The following FHOD3 variants were observed in gnomAD, a reference collection of about 807,000 sequenced individuals.
The protein encoded by FHOD3 is formin homology 2 domain containing 3, also known as FH1/FH2 domain-containing protein 3.
A neutral mutation model predicts 173.0 loss-of-function variants in FHOD3; 90 were observed. The ratio of observed to expected loss-of-function variants is 0.52; its 90% CI spans 0.44 to 0.62. The LOEUF (loss-of-function observed/expected upper bound fraction) is 0.62, where lower values mean the gene tolerates loss of function less well. Among genes scored for constraint, FHOD3 ranks in the 20% least tolerant of loss-of-function variants. The pLI, the probability that FHOD3 is intolerant of heterozygous loss-of-function variation, is 0.00. For synonymous variants in FHOD3, 828 were observed against 823.0 expected, an observed-to-expected ratio of 1.01 and a Z score of -0.10; for missense variants, 1,945 against 2,034.7, an observed-to-expected ratio of 0.96 and a Z score of 0.85.
chr18:36,689,308 C>G (rs940270656), intron 16 of FHOD3, among the ~76,000 whole-genome samples: 4 of 152,138 alleles, frequency 2.6e-5, no homozygotes, highest in Non-Finnish European at 2.9e-5. Context: ...CCAGATAGAG[C>G]AATGTGTGTT....
intron 5 of FHOD3, among the ~76,000 whole-genome samples, chr18:36,557,687 A>AT (rs1472183371): frequency 6.6e-6 from 1 of 152,040 alleles, no homozygotes; most frequent in African/African-American, 2.4e-5. Flanking sequence ...ACTTGTACTT[A>AT]TTGCATGCTG....
intron 26 of FHOD3, among the ~76,000 whole-genome samples, chr18:36,759,688 G>A (rs1032346105): frequency 1.3e-5 from 2 of 152,210 alleles, no homozygotes; most frequent in African/African-American, 4.8e-5. Context: ...ATGCAGGTGC[G>A]AGAACCAGAG....
intron 3 of FHOD3, among the ~76,000 whole-genome samples, chr18:36,409,945 C>T (rs1425181671): frequency 1.3e-5 from 2 of 152,210 alleles, no homozygotes; most frequent in East Asian, 1.9e-4. Flanking sequence ...GAAGACAGGG[C>T]GTTGCCCGGG....
At chr18:36,353,084 C>G (rs2046207561) in intron 1 of FHOD3, among the ~76,000 whole-genome samples, 1 of 152,206 alleles carries the variant, frequency 6.6e-6, no homozygotes, top group African/African-American at 2.4e-5. Flanking sequence ...CCCCAAAACC[C>G]TGGGCACACC....
intron 10 of FHOD3, among the ~76,000 whole-genome samples, chr18:36,633,231 A>G (rs770393931): frequency 2.1e-4 from 32 of 152,228 alleles, no homozygotes; most frequent in East Asian, 3.8e-4. Flanking sequence ...CTTGAGCCCA[A>G]TCACCCAACT....
chr18:36,393,894 T>C (rs897262061), intron 3 of FHOD3, among the ~76,000 whole-genome samples: 1 of 152,096 alleles, frequency 6.6e-6, no homozygotes, highest in Non-Finnish European at 1.5e-5. Context: ...TCCACTTGGA[T>C]CCACAAGCCC....
Position 36,417,097 on chromosome 18 carries a change from C to T in FHOD3, c.337+44353C>T, listed in dbSNP as rs549995005. Among the ~76,000 whole-genome samples, 7 of 152,138 alleles carry T rather than the reference C, an allele frequency of 4.6e-5. No homozygotes were observed. The South Asian group carries it at 8.3e-4, about 18-fold the overall frequency. On this transcript the variant is annotated intron_variant, in intron 3 of 28. Transcript: ENST00000590592. ...ATTTAACTTTTAAGTTCAGGGAGTA[C>T]GTGTGCAGGTTTGTTATATAGGTAA...
intron 13 of FHOD3, among the ~76,000 whole-genome samples, 174 bp from the exon 14 acceptor site, chr18:36,657,901 T>C (rs1048877907): frequency 6.6e-6 from 1 of 152,206 alleles, no homozygotes; most frequent in East Asian, 1.9e-4. Context: ...TTATGAGAAA[T>C]TATCAGAAAA....
At chr18:36,334,607 G>A (rs183569441) in intron 1 of FHOD3, among the ~76,000 whole-genome samples, 1 of 152,294 alleles carries the variant, frequency 6.6e-6, no homozygotes, top group Admixed American at 6.5e-5. Context: ...GGTGTTTTGG[G>A]CTGAGCTCAA....
intron 3 of FHOD3, among the ~76,000 whole-genome samples, chr18:36,472,540 T>C (rs948304383): frequency 3.3e-5 from 5 of 152,182 alleles, no homozygotes; most frequent in Non-Finnish European, 5.9e-5. Flanking sequence ...ATAAAAACCT[T>C]ATACCCACTA....
At chr18:36,522,320 G>A (rs576856637) in intron 5 of FHOD3, among the ~76,000 whole-genome samples, 16 of 152,326 alleles carry the variant, frequency 1.1e-4, no homozygotes, top group African/African-American at 3.8e-4. Context: ...TGGAGAGCCG[G>A]AATTTGCTTA....
At chr18:36,652,472 A>G in intron 11 of FHOD3, 98 bp from the exon 12 acceptor site, 1 of 1,364,866 alleles carries the variant, frequency 7.3e-7, no homozygotes, top group Non-Finnish European at 9.7e-7. Flanking sequence ...ATAATAGTAC[A>G]GAAGTGGCTT....
intron 24 of FHOD3, among the ~76,000 whole-genome samples, chr18:36,752,187 C>T (rs1376735896): frequency 1.3e-5 from 2 of 152,164 alleles, no homozygotes; most frequent in Admixed American, 1.3e-4. Context: ...TTGTTTCCAC[C>T]TGGTCCCTAA....
At chr18:36,732,364 C>G (rs917222819) in intron 20 of FHOD3, among the ~76,000 whole-genome samples, 1 of 152,118 alleles carries the variant, frequency 6.6e-6, no homozygotes, top group Non-Finnish European at 1.5e-5. Context: ...CTATATAAGG[C>G]TCAAGTAGCT....
chr18:36,593,793 G>A (rs1293723933), intron 6 of FHOD3, among the ~76,000 whole-genome samples: 1 of 152,202 alleles, frequency 6.6e-6, no homozygotes, highest in Non-Finnish European at 1.5e-5. Flanking sequence ...AGGCCCTGCA[G>A]CCACAGTGCA....
chr18:36,521,230 T>C (rs1322333790), intron 5 of FHOD3, among the ~76,000 whole-genome samples: 2 of 152,102 alleles, frequency 1.3e-5, no homozygotes, highest in African/African-American at 4.8e-5. Flanking sequence ...GTACCACGCC[T>C]TTTCTAACCC....
At chr18:36,443,305 G>A (rs1294047369) in intron 3 of FHOD3, among the ~76,000 whole-genome samples, 2 of 152,130 alleles carry the variant, frequency 1.3e-5, no homozygotes, top group Non-Finnish European at 2.9e-5. Flanking sequence ...GATTCCATCT[G>A]TACTTATTAA....
intron 1 of FHOD3, among the ~76,000 whole-genome samples, chr18:36,345,987 C>T (rs1039914859): frequency 6.6e-6 from 1 of 152,168 alleles, no homozygotes; most frequent in Non-Finnish European, 1.5e-5. Flanking sequence ...TGTGGGATTT[C>T]AACCATCATA....
rs1482069795 is a variant in FHOD3, at chr18:36,693,192, T to C, written c.2022-17T>C. The C allele has an allele frequency of 1.2e-6, 2 of 1,607,780 alleles. No individual in the cohort carries two copies. Among genetic ancestry groups the C allele is most frequent in the African/African-American group, 1.3e-5 (1 of 74,818 alleles). ...CCTCTTTCGTTTGACGGAAACCCTT[T>C]GGAATTTAACTTTCAGATACAAATA... is the stretch of plus-strand genomic sequence containing the variant. On this transcript the variant is annotated splice_polypyrimidine_tract_variant and intron_variant, in intron 16 of 28. Coordinates refer to ENST00000590592, the MANE Select transcript of FHOD3 (RefSeq NM_001281740.3).
Sources: gnomAD v4.1 joint callset for allele counts (sites outside exome capture counted in the v4.1 genomes callset) on GRCh38, gnomAD v4.1.1 for gene constraint, MANE v1.5 for transcripts, NCBI Gene and HGNC (gene_info 2026-07-23, HGNC 2026-07-21) for gene names.